The following DNAJC2 variants were observed in gnomAD, a reference collection of about 807,000 sequenced individuals.
DNAJC2 encodes DnaJ heat shock protein family (Hsp40) member C2.
DNAJC2 carries 32 observed loss-of-function variants against 94.0 expected under a neutral mutation model. The ratio of observed to expected loss-of-function variants is 0.34; its 90% CI spans 0.26 to 0.46. DNAJC2 has a LOEUF of 0.46. Among genes scored for constraint, DNAJC2 ranks in the 20% least tolerant of loss-of-function variants. The pLI, the probability that DNAJC2 is intolerant of heterozygous loss-of-function variation, is 1.00. For synonymous variants in DNAJC2, 210 were observed against 229.7 expected, an observed-to-expected ratio of 0.91 and a Z score of 0.77; for missense variants, 550 against 719.5, an observed-to-expected ratio of 0.76 and a Z score of 2.69.
At chr7:103,334,954 C>T (rs188125106) in intron 3 of DNAJC2, among the ~76,000 whole-genome samples, 50 of 152,208 alleles carry the variant, frequency 3.3e-4, no homozygotes, top group South Asian at 6.2e-4. Flanking sequence ...GTGCCGCAGC[C>T]GCCCAAGTAG....
chr7:103,316,261 T>G, intron 13 of DNAJC2, 173 bp from the exon 14 acceptor site: 1 of 430,850 alleles, frequency 2.3e-6, no homozygotes, highest in South Asian at 7.0e-5. Flanking sequence ...CTACGGTTTT[T>G]GCTTTTCATG....
At chr7:103,330,246 A>G (rs1818909709) in intron 3 of DNAJC2, among the ~76,000 whole-genome samples, 1 of 152,098 alleles carries the variant, frequency 6.6e-6, no homozygotes, top group African/African-American at 2.4e-5. Context: ...GTGTTCATGA[A>G]CACTATTATT....
At chr7:103,336,921 A>G (rs538911717) in intron 3 of DNAJC2, 91 of 152,310 alleles carry the variant, frequency 6.0e-4, no homozygotes, top group African/African-American at 2.0e-3. Context: ...AATTTTTACC[A>G]CAGGCATTCT....
intron 15 of DNAJC2, among the ~76,000 whole-genome samples, chr7:103,315,319 A>T (rs1405237669): frequency 1.3e-5 from 2 of 152,070 alleles, no homozygotes; most frequent in African/African-American, 4.8e-5. Context: ...ATATTTGCTA[A>T]TTATTTTTAC....
chr7:103,325,087 C>T (rs111286003), intron 5 of DNAJC2, among the ~76,000 whole-genome samples: 15 of 152,216 alleles, frequency 9.9e-5, no homozygotes, highest in African/African-American at 3.6e-4. Context: ...TCCATGTTTT[C>T]TACTCTGTGA....
At chr7:103,327,614 C>A (rs1030560575) in intron 4 of DNAJC2, 42 bp downstream of exon 4, 15 of 1,271,984 alleles carry the variant, frequency 1.2e-5, no homozygotes, top group Non-Finnish European at 1.7e-5. Flanking sequence ...TAATAAATAA[C>A]AATTACTATT....
intron 1 of DNAJC2, among the ~76,000 whole-genome samples, chr7:103,342,859 C>T (rs1308233091): frequency 2.0e-5 from 3 of 152,122 alleles, no homozygotes; most frequent in Non-Finnish European, 4.4e-5. Context: ...CCACCCACCT[C>T]GGCCTGCCAA....
Position 103,313,079 on chromosome 7 carries a change from AG to A in DNAJC2, c.1658del (p.Pro553LeufsTer14). 1 of 1,613,734 alleles carries A rather than the reference AG, an allele frequency of 6.2e-7. No homozygotes were observed. Among genetic ancestry groups the A allele is most frequent in the Non-Finnish European group, 8.5e-7 (1 of 1,179,858 alleles). ...AAAGCTTCTGTTCTTCTGTTGTCCAAGGGGTGAAGTCTGTATATGGACCTGA... is the reference window on the plus strand; with the variant it reads ...AAAGCTTCTGTTCTTCTGTTGTCCAAGGGTGAAGTCTGTATATGGACCTGA... ...RFEGPYTDFTPWTTEEQKLLE... is the reference protein window; with the variant it reads ...RFEGPYTDFTXWTTEEQKLLE... On this transcript the variant is annotated frameshift_variant, in exon 16 of 17. Transcript: ENST00000379263. LOFTEE classifies it high-confidence loss of function.
At chr7:103,341,570 T>C (rs895426698) in intron 2 of DNAJC2, among the ~76,000 whole-genome samples, 194 bp downstream of exon 2, 1 of 152,216 alleles carries the variant, frequency 6.6e-6, no homozygotes, top group Non-Finnish European at 1.5e-5. Context: ...TGTGAACTCT[T>C]CCTGGATTTC....
chr7:103,337,993 G>A (rs1368326206), intron 2 of DNAJC2, among the ~76,000 whole-genome samples, 182 bp from the exon 3 acceptor site: 1 of 152,210 alleles, frequency 6.6e-6, no homozygotes, highest in Non-Finnish European at 1.5e-5. Flanking sequence ...TAGGCTGGGT[G>A]CCATGGTTCA....
intron 1 of DNAJC2, 130 bp downstream of exon 1, chr7:103,344,429 G>C: frequency 9.9e-7 from 1 of 1,006,508 alleles, no homozygotes; most frequent in Non-Finnish European, 1.5e-6. Context: ...AAAGGCACTC[G>C]TCACGGCCCC....
At chr7:103,332,007 ATTTT>A (rs56703501) in intron 3 of DNAJC2, among the ~76,000 whole-genome samples, 3 of 134,062 alleles carry the variant, frequency 2.2e-5, no homozygotes, top group South Asian at 2.4e-4. Context: ...TAAATTTGCT[ATTTT>A]TTTTTTTTTT....
chr7:103,322,448 TTAAAG>T (rs1818473237), intron 9 of DNAJC2, 58 bp downstream of exon 9: 1 of 1,365,946 alleles, frequency 7.3e-7, no homozygotes, highest in Non-Finnish European at 9.9e-7. Flanking sequence ...GATGTGAAGA[TTAAAG>T]TGAAGATTAA....
In DNAJC2 at chr7:103,316,101, A is replaced by G. The variant is rs1340626042; in HGVS notation, c.1428-13T>C. On this transcript the variant is annotated splice_polypyrimidine_tract_variant and intron_variant, in intron 13 of 16. Coordinates refer to ENST00000379263, the MANE Select transcript of DNAJC2 (RefSeq NM_014377.3). Reference sequence around the variant, plus strand: ...AATAACTTCCCATCTGATAGGATATATTATACAATAATATGAATAGTAGTA... The same window carrying G: ...AATAACTTCCCATCTGATAGGATATGTTATACAATAATATGAATAGTAGTA... The G allele has an allele frequency of 2.0e-6, 3 of 1,489,580 alleles. No homozygotes were observed. Among genetic ancestry groups the G allele is most frequent in the Non-Finnish European group, 2.7e-6 (3 of 1,096,020 alleles). 92.3% of individuals were successfully genotyped at this position (1,489,580 alleles called of 1,614,324 possible). A position where few individuals can be genotyped will look rare whatever the true frequency, so the allele number is the denominator to read the frequency against.
At chr7:103,313,695 G>A (rs1817886205) in intron 15 of DNAJC2, 2 of 985,320 alleles carry the variant, frequency 2.0e-6, no homozygotes, top group Non-Finnish European at 2.4e-6. Context: ...GGGAGCCGAT[G>A]CTGAACACTT....
In DNAJC2 at chr7:103,317,017, G is replaced by A; in HGVS notation, c.1243-3C>T. ...ATTTGCTCATTTATTTCTTCTATCT[G>A]CACAAATATCATAAGTCAGGGACTT... On this transcript the variant is annotated splice_polypyrimidine_tract_variant and splice_region_variant and intron_variant, in intron 12 of 16. Transcript: ENST00000379263. 2 of 1,610,852 alleles carry A rather than the reference G, an allele frequency of 1.2e-6. No individual in the cohort carries two copies. Among genetic ancestry groups the A allele is most frequent in the Admixed American group, 1.7e-5 (1 of 59,750 alleles).
chr7:103,333,804 C>T (rs539528308), intron 3 of DNAJC2, among the ~76,000 whole-genome samples: 15 of 152,258 alleles, frequency 9.9e-5, no homozygotes, highest in Non-Finnish European at 1.5e-4. Context: ...CCATGTTTTT[C>T]TGTGTATTGG....
Position 103,313,030 on chromosome 7 carries a change from G to A in DNAJC2, c.1708C>T (p.Pro570Ser). 1 of 1,613,844 alleles carries A rather than the reference G, an allele frequency of 6.2e-7. No homozygotes were observed. The highest frequency in any genetic ancestry group is 1.1e-5 in the South Asian group (1 of 91,064). ...KLLEQALKTY[P>S]VNTPERWEKI... ...TCCCATCTTTCAGGTGTATTTACTG[G>A]GTATGTTTTCAAAGCTTGTTCCAAA... The change falls in exon 16 of 17, where the codon CCA becomes TCA. Residue 570 changes from proline to serine, a missense_variant. Transcript: ENST00000379263.
At chr7:103,335,145 CTTAA>C (rs907630064) in intron 3 of DNAJC2, 22 of 152,178 alleles carry the variant, frequency 1.4e-4, no homozygotes, top group African/African-American at 5.3e-4. Flanking sequence ...CTACTTCACA[CTTAA>C]TTAATTTTCA....
Sources: allele counts gnomAD v4.1 joint callset (sites outside exome capture counted in the v4.1 genomes callset), GRCh38; gene constraint gnomAD v4.1.1; transcripts MANE v1.5; gene names NCBI Gene and HGNC (gene_info 2026-07-23, HGNC 2026-07-21).